Variants in PPP4R1 observed in about 807,000 individuals in gnomAD.
PPP4R1 encodes protein phosphatase 4 regulatory subunit 1.
Under a neutral mutation model 111.2 loss-of-function variants are expected in PPP4R1, and 42 were observed. The ratio of observed to expected loss-of-function variants is 0.38; its 90% CI spans 0.29 to 0.49. The LOEUF is 0.49. Among genes scored for constraint, PPP4R1 ranks in the 20% least tolerant of loss-of-function variants. PPP4R1 has a pLI of 0.97. For missense variants in PPP4R1, 1,012 were observed against 1,161.6 expected (o/e 0.87, Z 1.87); for synonymous variants, 409 against 405.5 (o/e 1.01, Z -0.10).
chr18:9,603,418 T>C (rs2067425629), intron 2 of PPP4R1, among the ~76,000 whole-genome samples: 1 of 152,224 alleles, frequency 6.6e-6, no homozygotes, highest in Admixed American at 6.5e-5. Context: ...TTTCAATCTG[T>C]AATATATTCT....
rs28572505 is a variant in PPP4R1, at chr18:9,604,999, G to A, written c.52+9227C>T. 1.7e-3 allele frequency among the ~76,000 whole-genome samples: 258 copies of A among 152,114 alleles called. 7 individuals carry two copies. The East Asian group carries it at 0.039, about 23-fold the overall frequency. On this transcript the variant is annotated intron_variant, in intron 2 of 19. Transcript: ENST00000400556. ...CACACCAAAGAGAACTTTTTAATTC[G>A]TACAAACTTTTATCAAAATTGATCA... is the stretch of plus-strand genomic sequence containing the variant.
At chr18:9,592,569 G>C (rs1568119048) in intron 4 of PPP4R1, among the ~76,000 whole-genome samples, 1 of 151,882 alleles carries the variant, frequency 6.6e-6, no homozygotes, top group Non-Finnish European at 1.5e-5. Flanking sequence ...TATAGAGTAT[G>C]TACTGTTTGA....
rs2066421542 is a variant in PPP4R1 at position 9,547,723 on chromosome 18, G to A, written c.*66C>T. The A allele has an allele frequency of 1.6e-5, 25 of 1,572,732 alleles. 1 individual carries two copies. The South Asian group carries it at 2.8e-4, about 18-fold the overall frequency. On this transcript the variant is annotated 3_prime_UTR_variant, in exon 20 of 20. Transcript: ENST00000400556. ...CCCCGAAAGCTATCCCAGGTCACAT[G>A]CGTGGCGAATGCCCACTGAACCTCG... is the stretch of plus-strand genomic sequence containing the variant.
At chr18:9,599,077 TTTC>T (rs1024807790) in intron 2 of PPP4R1, among the ~76,000 whole-genome samples, 18 of 151,990 alleles carry the variant, frequency 1.2e-4, no homozygotes, top group African/African-American at 3.6e-4. Flanking sequence ...AAATAAAAAA[TTTC>T]TTATTTTTCA....
intron 2 of PPP4R1, among the ~76,000 whole-genome samples, chr18:9,606,523 G>C (rs1019745619): frequency 6.6e-6 from 1 of 152,014 alleles, no homozygotes; most frequent in African/African-American, 2.4e-5. Context: ...TTTGTACTTT[G>C]CAATAATATA....
chr18:9,581,316 AG>A (rs2067025442), intron 9 of PPP4R1, among the ~76,000 whole-genome samples: 1 of 152,230 alleles, frequency 6.6e-6, no homozygotes, highest in African/African-American at 2.4e-5. Flanking sequence ...TGATGATTAC[AG>A]AAGTAATGGG....
Position 9,588,780 on chromosome 18 carries a change from T to C in PPP4R1, c.369A>G (p.Ser123=). 1.9e-6 allele frequency: 3 copies of C among 1,614,102 alleles called. No individual in the cohort carries two copies. Among genetic ancestry groups the C allele is most frequent in the African/African-American group, 1.3e-5 (1 of 75,052 alleles). Residue 123 remains serine (S), a synonymous_variant, in exon 5 of 20, where the codon TCA becomes TCG. Transcript: ENST00000400556. ...AGAATTTTGAAAAAGCATATGGTAT[T>C]GAAGGCCGGTTTTCTTGACAAAACA... ...IALFCQENRP[S]IPYAFSKFLL...
intron 2 of PPP4R1, among the ~76,000 whole-genome samples, chr18:9,604,035 T>C (rs769903201): frequency 6.4e-4 from 97 of 152,204 alleles, no homozygotes; most frequent in Non-Finnish European, 1.0e-3. Flanking sequence ...CCAAGTGCTA[T>C]AGTATTTAGT....
chr18:9,574,279 A>G (rs1598917638), intron 10 of PPP4R1, among the ~76,000 whole-genome samples: 1 of 152,202 alleles, frequency 6.6e-6, no homozygotes, highest in African/African-American at 2.4e-5. Context: ...TTTATAATTA[A>G]TATCTTCAGA....
At chr18:9,573,417 G>GA (rs2066891412) in intron 10 of PPP4R1, among the ~76,000 whole-genome samples, 1 of 152,100 alleles carries the variant, frequency 6.6e-6, no homozygotes, top group Non-Finnish European at 1.5e-5. Flanking sequence ...ACAGTATTTG[G>GA]AAAATCTACA....
chr18:9,569,715 T>C (rs907387447), intron 11 of PPP4R1, among the ~76,000 whole-genome samples: 4 of 152,160 alleles, frequency 2.6e-5, no homozygotes, highest in African/African-American at 9.7e-5. Context: ...ACTACCTTTT[T>C]CTTTTTTTAA....
chr18:9,561,430 C>T (rs1453603864), intron 13 of PPP4R1, among the ~76,000 whole-genome samples: 1 of 151,780 alleles, frequency 6.6e-6, no homozygotes, highest in Non-Finnish European at 1.5e-5. Context: ...GTGAAGGAGT[C>T]CTGGTGTGCT....
intron 16 of PPP4R1, among the ~76,000 whole-genome samples, chr18:9,552,643 T>C (rs2066507631): frequency 6.6e-6 from 1 of 152,218 alleles, no homozygotes; most frequent in Non-Finnish European, 1.5e-5. Context: ...AATTACCATA[T>C]GGCCTTGCAA....
At chr18:9,592,366 G>A (rs887292828) in intron 4 of PPP4R1, among the ~76,000 whole-genome samples, 3 of 152,070 alleles carry the variant, frequency 2.0e-5, no homozygotes, top group East Asian at 1.9e-4. Context: ...CCCCTCCTGG[G>A]TATGCCCTTT....
intron 16 of PPP4R1, among the ~76,000 whole-genome samples, chr18:9,552,395 A>C (rs2066503437): frequency 6.6e-6 from 1 of 152,222 alleles, no homozygotes. Flanking sequence ...CGAGTGATGG[A>C]TATGCTAACT....
chr18:9,584,463 T>G, intron 8 of PPP4R1, 52 bp downstream of exon 8: 1 of 1,471,264 alleles, frequency 6.8e-7, no homozygotes, highest in Non-Finnish European at 9.2e-7. Context: ...TCAAACTTTA[T>G]GTACTACTTT....
At chr18:9,564,036 C>T (rs2066721240) in intron 11 of PPP4R1, among the ~76,000 whole-genome samples, 2 of 152,140 alleles carry the variant, frequency 1.3e-5, no homozygotes. Flanking sequence ...GCTTATTTTT[C>T]TCTAATTCTT....
At chr18:9,566,648 GACACACACACACAC>G (rs56772611) in intron 11 of PPP4R1, among the ~76,000 whole-genome samples, 21,952 of 144,146 alleles carry the variant, frequency 0.15, 1,950 homozygotes, top group East Asian at 0.46. Flanking sequence ...GAGGCGCTGT[GACACACACACACAC>G]ACACACACAC....
At chr18:9,600,901 G>A (rs1015766649) in intron 2 of PPP4R1, among the ~76,000 whole-genome samples, 2 of 151,926 alleles carry the variant, frequency 1.3e-5, no homozygotes, top group African/African-American at 4.8e-5. Flanking sequence ...AAGAAAAAAA[G>A]CTGGAGTGGC....
Sources: gnomAD v4.1 joint callset for allele counts (sites outside exome capture counted in the v4.1 genomes callset) on GRCh38, gnomAD v4.1.1 for gene constraint, MANE v1.5 for transcripts, NCBI Gene and HGNC (gene_info 2026-07-23, HGNC 2026-07-21) for gene names.